Variants in ANAPC1 observed in about 807,000 individuals in gnomAD.
The protein encoded by ANAPC1 is anaphase-promoting complex subunit 1.
In ANAPC1, 36 loss-of-function variants were observed where a neutral mutation model predicts 208.0. The observed-to-expected ratio is 0.17, with a 90% CI of 0.13 to 0.23. The LOEUF is 0.23. Among genes scored for constraint, ANAPC1 ranks in the 10% least tolerant of loss-of-function variants. ANAPC1 has a pLI of 1.00. For synonymous variants in ANAPC1, 378 were observed against 695.2 expected, an observed-to-expected ratio of 0.54 and a Z score of 7.18; for missense variants, 942 against 2,011.6, an observed-to-expected ratio of 0.47 and a Z score of 10.17.
At chr2:111,772,259 A>G in intron 47 of ANAPC1, 82 bp downstream of exon 47, 1 of 1,603,032 alleles carries the variant, frequency 6.2e-7, no homozygotes, top group Non-Finnish European at 8.5e-7. Flanking sequence ...AAGTCAAACT[A>G]GGGGCAGTAA....
intron 24 of ANAPC1, among the ~76,000 whole-genome samples, chr2:111,824,083 G>A (rs557278138): frequency 1.4e-3 from 204 of 149,404 alleles, no homozygotes; most frequent in African/African-American, 3.8e-3. Flanking sequence ...ATAAAAAGTC[G>A]ATTAACTATT....
intron 24 of ANAPC1, among the ~76,000 whole-genome samples, chr2:111,823,343 C>T (rs1558692596): frequency 6.6e-6 from 1 of 151,976 alleles, no homozygotes; most frequent in Non-Finnish European, 1.5e-5. Context: ...TTATCCATAG[C>T]CAATGGTAGT....
chr2:111,777,910 A>G (rs2104477805), intron 45 of ANAPC1, among the ~76,000 whole-genome samples: 1 of 152,358 alleles, frequency 6.6e-6, no homozygotes, highest in East Asian at 1.9e-4. Context: ...ATTCACTTAA[A>G]GAGCTGTTTA....
At chr2:111,782,148 T>G (rs1677316247) in intron 43 of ANAPC1, among the ~76,000 whole-genome samples, 1 of 150,276 alleles carries the variant, frequency 6.7e-6, no homozygotes, top group African/African-American at 2.5e-5. Flanking sequence ...TTACAGTATT[T>G]TACTTTATTA....
chr2:111,857,758 G>T (rs968197958), intron 11 of ANAPC1, among the ~76,000 whole-genome samples: 1 of 152,100 alleles, frequency 6.6e-6, no homozygotes, highest in African/African-American at 2.4e-5. Context: ...ATGTTCATAT[G>T]GTCATAATTC....
intron 1 of ANAPC1, among the ~76,000 whole-genome samples, 186 bp downstream of exon 1, chr2:111,883,748 GAGCACCCC>G (rs1392005439): frequency 1.3e-5 from 2 of 152,170 alleles, no homozygotes; most frequent in Non-Finnish European, 2.9e-5. Flanking sequence ...GAGCCGGAAG[GAGCACCCC>G]AGCCCGCAGG....
At chr2:111,871,006 C>T (rs1225741703) in intron 6 of ANAPC1, among the ~76,000 whole-genome samples, 2 of 152,218 alleles carry the variant, frequency 1.3e-5, no homozygotes, top group East Asian at 3.9e-4. Context: ...TACTTGATTA[C>T]AAGTATTTGG....
chr2:111,788,905 G>A (rs1402613303), intron 38 of ANAPC1, among the ~76,000 whole-genome samples: 2 of 151,650 alleles, frequency 1.3e-5, no homozygotes, highest in African/African-American at 2.4e-5. Context: ...TTGGGAGGCC[G>A]AGGCGGGCGG....
chr2:111,849,685 C>T (rs921456897), intron 14 of ANAPC1, among the ~76,000 whole-genome samples: 6 of 152,000 alleles, frequency 3.9e-5, no homozygotes, highest in African/African-American at 7.2e-5. Flanking sequence ...AACTCATTTC[C>T]ACCTCTCAAG....
intron 18 of ANAPC1, among the ~76,000 whole-genome samples, chr2:111,837,492 T>C (rs1185053487): frequency 2.0e-5 from 3 of 152,134 alleles, no homozygotes; most frequent in Admixed American, 6.5e-5. Context: ...TGGTGGCGCA[T>C]GCCTATAATC....
intron 47 of ANAPC1, among the ~76,000 whole-genome samples, chr2:111,771,613 T>C (rs550074529): frequency 1.1e-3 from 166 of 151,766 alleles, no homozygotes; most frequent in African/African-American, 3.9e-3. Context: ...TTTATATTTG[T>C]TTTTGAGGGC....
At chr2:111,870,820 G>A (rs184235147) in intron 6 of ANAPC1, among the ~76,000 whole-genome samples, 62 of 152,162 alleles carry the variant, frequency 4.1e-4, no homozygotes, top group African/African-American at 1.3e-3. Context: ...AATTTTTATG[G>A]TTTCAGGGCT....
rs530107965 is a variant in ANAPC1 at position 111,779,835 on chromosome 2, G to A, written c.5289+464C>T. ...TCCAGCCTGGGCAACAGAAAAAACC[G>A]ACCCTGTCTCAAAAAACAAAAAACA... On this transcript the variant is annotated intron_variant, in intron 44 of 47. Transcript: ENST00000341068. 2.6e-5 allele frequency: 6 copies of A among 229,748 alleles called. No homozygotes were observed. In the East Asian group the frequency reaches 4.1e-4, roughly 16 times the overall value. The allele number at this position is 229,748 out of a possible 1,614,324, so 14.2% of individuals were successfully genotyped here. A position where few individuals can be genotyped will look rare whatever the true frequency, so the allele number is the denominator to read the frequency against.
rs576448742 is a variant in ANAPC1 at position 111,865,813 on chromosome 2, A to G, written c.686-862T>C. ...TGCCTCCAAGATGACAAAGAAAAGA[A>G]GGAACAACAATCATGCCAAAAAGGG... On this transcript the variant is annotated intron_variant, in intron 7 of 47. Coordinates refer to ENST00000341068, the MANE Select transcript of ANAPC1 (RefSeq NM_022662.4). 5.0e-5 allele frequency: 9 copies of G among 178,374 alleles called. No individual in the cohort carries two copies. In the South Asian group the frequency reaches 1.0e-3, roughly 20 times the overall value. 11.0% of individuals were successfully genotyped at this position (178,374 alleles called of 1,614,324 possible).
intron 17 of ANAPC1, among the ~76,000 whole-genome samples, chr2:111,839,301 T>C (rs1171902111): frequency 1.3e-5 from 2 of 152,242 alleles, no homozygotes; most frequent in Admixed American, 6.5e-5. Context: ...GTTTGAGCCA[T>C]TGTATCTTTT....
intron 19 of ANAPC1, among the ~76,000 whole-genome samples, 166 bp downstream of exon 19, chr2:111,834,438 C>A (rs761603089): frequency 1.3e-5 from 2 of 150,968 alleles, no homozygotes; most frequent in Admixed American, 1.3e-4. Context: ...CCTTACAAAA[C>A]CAGTATCTTC....
chr2:111,826,847 G>C (rs1679864791), intron 21 of ANAPC1, among the ~76,000 whole-genome samples: 1 of 151,996 alleles, frequency 6.6e-6, no homozygotes, highest in Non-Finnish European at 1.5e-5. Context: ...TTTTAGTAGA[G>C]ACAGGGTTTC....
chr2:111,854,450 G>T (rs1359235244), intron 13 of ANAPC1, among the ~76,000 whole-genome samples: 1 of 152,202 alleles, frequency 6.6e-6, no homozygotes, highest in African/African-American at 2.4e-5. Flanking sequence ...AGCTGCATTA[G>T]CCCCTAACAA....
chr2:111,837,072 A>G (rs1352447789), intron 18 of ANAPC1, among the ~76,000 whole-genome samples: 2 of 152,170 alleles, frequency 1.3e-5, no homozygotes, highest in Non-Finnish European at 2.9e-5. Context: ...GAAATAGCCT[A>G]GATATCTACC....
Sources: gnomAD v4.1 joint callset for allele counts (sites outside exome capture counted in the v4.1 genomes callset) on GRCh38, gnomAD v4.1.1 for gene constraint, MANE v1.5 for transcripts, NCBI Gene and HGNC (gene_info 2026-07-23, HGNC 2026-07-21) for gene names.